GRM4: variants seen among roughly 807,000 people sequenced by gnomAD.
The protein encoded by GRM4 is glutamate metabotropic receptor 4.
A neutral mutation model predicts 81.7 loss-of-function variants in GRM4; 28 were observed. That is an observed-to-expected ratio of 0.34 (90% CI 0.25 to 0.47). The LOEUF is 0.47. Ranked by LOEUF, GRM4 falls within the 20% of genes least tolerant of loss-of-function variation. The pLI is 1.00. For synonymous variants in GRM4, 488 were observed against 528.8 expected (o/e 0.92, Z 1.06); for missense variants, 948 against 1,290.0 (o/e 0.73, Z 4.06).
intron 3 of GRM4, among the ~76,000 whole-genome samples, chr6:34,075,713 G>A (rs924621128): frequency 4.6e-5 from 7 of 152,212 alleles, no homozygotes; most frequent in Non-Finnish European, 1.0e-4. Context: ...GAATAAGCAA[G>A]TTAATATACA....
At position 34,092,163 on chromosome 6, in the gene GRM4, T is replaced by C; in HGVS notation, c.520-64A>G. 1 of 1,124,866 alleles carries C rather than the reference T, an allele frequency of 8.9e-7. No individual in the cohort carries two copies. The highest frequency in any genetic ancestry group is 1.4e-5 in the South Asian group (1 of 71,728). The allele number at this position is 1,124,866 out of a possible 1,614,324, so 69.7% of individuals were successfully genotyped here. On this transcript the variant is annotated intron_variant, in intron 2 of 10. Transcript: ENST00000538487. This position sits in a 1 kb window ranked among gnomAD's most constrained non-coding sequence, Gnocchi z 6.8. The stretch of plus-strand genomic sequence containing the variant: ...TCCCCACCCTGCCTAGCCAGCCCCA[T>C]TCCCCTACACACCAACCTCCCTTTG...
At chr6:34,088,015 C>T (rs193087979) in intron 3 of GRM4, among the ~76,000 whole-genome samples, 1 of 152,218 alleles carries the variant, frequency 6.6e-6, no homozygotes. Context: ...TCCCAGGCCT[C>T]CCCAGGACTA....
At chr6:34,025,755 G>A (rs554539207) in intron 10 of GRM4, among the ~76,000 whole-genome samples, 15 of 152,314 alleles carry the variant, frequency 9.8e-5, no homozygotes, top group Admixed American at 3.3e-4. Flanking sequence ...CCTGCCATGT[G>A]GCCCTTCTAA....
At chr6:34,044,169 CATAT>C (rs1227178697) in intron 6 of GRM4, among the ~76,000 whole-genome samples, 4 of 84,984 alleles carry the variant, frequency 4.7e-5, no homozygotes, top group African/African-American at 1.5e-4. Flanking sequence ...CATACACACA[CATAT>C]ACATACATAC....
chr6:34,059,164 C>A lies in GRM4; in HGVS notation c.873-36G>T. 1 of 1,607,044 alleles carries A rather than the reference C, an allele frequency of 6.2e-7. No homozygotes were observed. The highest frequency in any genetic ancestry group is 1.1e-5 in the South Asian group (1 of 90,752). Reference sequence around the variant, plus strand: ...ATACACCAGCCCAGCCCAGCCGCGTCTGTCCACGAAACTGCCCCCACTCCT... The same window carrying A: ...ATACACCAGCCCAGCCCAGCCGCGTATGTCCACGAAACTGCCCCCACTCCT... On this transcript the variant is annotated intron_variant, in intron 4 of 10. Transcript: ENST00000538487. The surrounding 1 kb of genome is among the most constrained non-coding windows in gnomAD (Gnocchi z 5.7).
chr6:34,024,359 C>T (rs1764030776), intron 10 of GRM4: 1 of 255,444 alleles, frequency 3.9e-6, no homozygotes, highest in African/African-American at 2.2e-5. Context: ...CATCTAGCCT[C>T]AATCTTCAGG....
rs146564144 is a variant in GRM4, at chr6:34,155,478, C to T, written c.-88G>A. On this transcript the variant is annotated 5_prime_UTR_variant, in exon 1 of 9. Coordinates refer to the GRM4 transcript ENST00000374177. ...ACGCACATTGGAGTTACCTAGAGAGCTTTAAAATTTCCCTGTGTCCAGGCC... is the reference window on the plus strand; with the variant it reads ...ACGCACATTGGAGTTACCTAGAGAGTTTTAAAATTTCCCTGTGTCCAGGCC... 1.2e-4 allele frequency: 97 copies of T among 836,974 alleles called. 1 individual carries two copies. Among genetic ancestry groups the T allele is most frequent in the South Asian group, 4.9e-4 (24 of 49,474 alleles). The allele number at this position is 836,974 out of a possible 1,614,324, so 51.8% of individuals were successfully genotyped here. A position where few individuals can be genotyped will look rare whatever the true frequency, so the allele number is the denominator to read the frequency against.
chr6:34,070,289 G>A lies in GRM4; in HGVS notation c.737-8261C>T, dbSNP rs1021774776. Reference sequence around the variant, plus strand: ...CCACACGCGTGGGGTGGGTACCCACGTGCACCTGGACGTCTCCCTCCGTCC... The same window carrying A: ...CCACACGCGTGGGGTGGGTACCCACATGCACCTGGACGTCTCCCTCCGTCC... On this transcript the variant is annotated intron_variant, in intron 3 of 10. Coordinates refer to ENST00000538487, the MANE Select transcript of GRM4 (RefSeq NM_000841.4). The surrounding 1 kb of genome is among the most constrained non-coding windows in gnomAD (Gnocchi z 4.6). Among the ~76,000 whole-genome samples the A allele has an allele frequency of 2.0e-5, 3 of 152,112 alleles. No individual in the cohort carries two copies. Among genetic ancestry groups the A allele is most frequent in the Non-Finnish European group, 4.4e-5 (3 of 68,004 alleles).
At position 34,133,042 on chromosome 6, in the gene GRM4, C is replaced by T; in HGVS notation, c.455G>A (p.Gly152Asp). The T allele has an allele frequency of 6.2e-7, 1 of 1,613,922 alleles. No homozygotes were observed. The change falls in exon 2 of 11, where the codon GGT (glycine) becomes GAT (aspartate). Residue 152 changes from glycine to aspartate, a missense_variant. Physicochemically the swap from Gly to Asp is moderately conservative, Grantham distance 94. Coordinates refer to ENST00000538487, the MANE Select transcript of GRM4 (RefSeq NM_000841.4). This position sits in a 1 kb window ranked among gnomAD's most constrained non-coding sequence, Gnocchi z 6.5. ...PIITKPERVVGVIGASGSSVS... is the reference protein window; with the variant it reads ...PIITKPERVVDVIGASGSSVS... ...CGAGCTCCCTGAAGCACCGATGACA[C>T]CCACCACACGTTCAGGCTTGGTGAT...
At chr6:34,137,467 C>T (rs1417661228) in intron 1 of GRM4, among the ~76,000 whole-genome samples, 1 of 152,260 alleles carries the variant, frequency 6.6e-6, no homozygotes, top group East Asian at 1.9e-4. Flanking sequence ...CCCCAACCAA[C>T]AGTCAGGGTA....
At position 34,078,751 on chromosome 6, in the gene GRM4, C is replaced by T. The variant is rs1767443608; in HGVS notation, c.736+13132G>A. ...CTTACTTGTCACTTTGTCCTGCTTC[C>T]TCTCCTCCCCATATCCCAAGGCCTC... is the stretch of plus-strand genomic sequence containing the variant. On this transcript the variant is annotated intron_variant, in intron 3 of 10. Transcript: ENST00000538487. The surrounding 1 kb of genome is among the most constrained non-coding windows in gnomAD (Gnocchi z 4.8). Among the ~76,000 whole-genome samples the T allele has an allele frequency of 6.6e-6, 1 of 152,166 alleles. No homozygotes were observed. The highest frequency in any genetic ancestry group is 6.5e-5 in the Admixed American group (1 of 15,284).
At chr6:34,040,459 C>T in intron 7 of GRM4, 89 bp downstream of exon 7, 1 of 1,426,146 alleles carries the variant, frequency 7.0e-7, no homozygotes, top group South Asian at 1.2e-5. Flanking sequence ...AGAGGCCTCC[C>T]ATTCCCACCC....
intron 6 of GRM4, among the ~76,000 whole-genome samples, chr6:34,050,399 C>T (rs575531660): frequency 2.0e-4 from 30 of 152,208 alleles, no homozygotes; most frequent in South Asian, 6.2e-4. Context: ...AGTGGCTGGA[C>T]GCCGTCCTCA....
At chr6:34,131,890 G>C (rs530644630) in intron 2 of GRM4, among the ~76,000 whole-genome samples, 1 of 152,128 alleles carries the variant, frequency 6.6e-6, no homozygotes, top group Admixed American at 6.6e-5. Flanking sequence ...GGACCAAGCA[G>C]CTTCCTCTGT....
chr6:34,054,314 A>AC (rs1225639215), intron 6 of GRM4: 1 of 152,030 alleles, frequency 6.6e-6, no homozygotes, highest in African/African-American at 2.4e-5. Flanking sequence ...GGTGCCCACC[A>AC]CTAAACCCGG....
intron 2 of GRM4, among the ~76,000 whole-genome samples, chr6:34,113,722 T>G (rs1159282184): frequency 1.3e-5 from 2 of 151,730 alleles, no homozygotes; most frequent in Non-Finnish European, 2.9e-5. Flanking sequence ...GAGGAAGGAG[T>G]GGGGGAGCAG....
In GRM4 at chr6:34,036,620, C is replaced by G. The variant is rs372537504; in HGVS notation, c.1507-17G>C. ...CCGCTCTATCTGGCAATGACAGCAC[C>G]GTAAAGCAGGCCTCAGAACATGCCA... On this transcript the variant is annotated splice_polypyrimidine_tract_variant and intron_variant, in intron 8 of 10. Transcript: ENST00000538487. The surrounding 1 kb of genome is among the most constrained non-coding windows in gnomAD (Gnocchi z 9.0). 1.4e-6 allele frequency: 2 copies of G among 1,442,696 alleles called. No homozygotes were observed. The highest frequency in any genetic ancestry group is 1.9e-6 in the Non-Finnish European group (2 of 1,053,912). The allele number at this position is 1,442,696 out of a possible 1,614,324, so 89.4% of individuals were successfully genotyped here.
intron 8 of GRM4, among the ~76,000 whole-genome samples, chr6:34,039,485 G>T (rs1764890548): frequency 6.6e-6 from 1 of 152,204 alleles, no homozygotes; most frequent in African/African-American, 2.4e-5. Context: ...GCAAGGTAGA[G>T]ACCAAGTCCA....
chr6:34,112,622 A>G (rs1769432198), intron 2 of GRM4, among the ~76,000 whole-genome samples: 1 of 152,062 alleles, frequency 6.6e-6, no homozygotes, highest in African/African-American at 2.4e-5. Context: ...TGCCCATGGC[A>G]GGTTCCAGCT....
Sources: gnomAD v4.1 joint callset for allele counts (sites outside exome capture counted in the v4.1 genomes callset) on GRCh38, gnomAD v4.1.1 for gene constraint, Gnocchi (gnomAD v3.1) non-coding constraint, MANE v1.5 for transcripts, NCBI Gene and HGNC (gene_info 2026-07-23, HGNC 2026-07-21) for gene names.